The following PCDHA7 variants were observed in gnomAD, a reference collection of about 807,000 sequenced individuals.
PCDHA7 encodes the protein protocadherin alpha 7, also known as protocadherin alpha-7.
In PCDHA7, 37 loss-of-function variants were observed where a neutral mutation model predicts 57.2. The observed-to-expected ratio is 0.65, with a 90% CI of 0.50 to 0.85. PCDHA7 has a LOEUF of 0.85. PCDHA7 is among the 40% of genes least tolerant of loss of function. The pLI is 0.00. For missense variants in PCDHA7, 1,188 were observed against 1,241.8 expected (o/e 0.96, Z 0.65); for synonymous variants, 553 against 558.8 (o/e 0.99, Z 0.15).
At chr5:140,856,985 A>G (rs1463839145) in intron 1 of PCDHA7, 1 of 1,595,232 alleles carries the variant, frequency 6.3e-7, no homozygotes, top group Non-Finnish European at 8.6e-7. Flanking sequence ...TGAGGACAGT[A>G]ACACTTATGA....
At chr5:140,998,903 G>A (rs1465203456) in intron 3 of PCDHA7, among the ~76,000 whole-genome samples, 9 of 152,156 alleles carry the variant, frequency 5.9e-5, no homozygotes, top group African/African-American at 1.7e-4. Flanking sequence ...CAATGCCTCC[G>A]GGAGGTAGCT....
rs1489992894 is a variant in PCDHA7, at chr5:140,841,079, G to A, written c.2355+4341G>A. ...AAATTATGATAAAGAAATAGAAAGT[G>A]CATAGAAGAACCCAGATATTGCGGA... On this transcript the variant is annotated intron_variant, in intron 1 of 3. Transcript: ENST00000525929. 3.0e-5 allele frequency: 16 copies of A among 535,434 alleles called. No homozygotes were observed. The East Asian group carries it at 5.1e-4, about 17-fold the overall frequency. 33.2% of individuals were successfully genotyped at this position (535,434 alleles called of 1,614,324 possible). A position where few individuals can be genotyped will look rare whatever the true frequency, so the allele number is the denominator to read the frequency against.
intron 1 of PCDHA7, chr5:140,968,110 G>A: frequency 1.2e-6 from 2 of 1,614,172 alleles, no homozygotes; most frequent in Non-Finnish European, 1.7e-6. Context: ...GAATACCGCA[G>A]CTCACATCCC....
chr5:140,966,951 C>G lies in PCDHA7; in HGVS notation c.2356-11998C>G, dbSNP rs781885198. 3.1e-5 allele frequency: 50 copies of G among 1,603,624 alleles called. No individual in the cohort carries two copies. The highest frequency in any genetic ancestry group is 4.2e-5 in the Non-Finnish European group (50 of 1,178,520). The stretch of plus-strand genomic sequence containing the variant: ...CCCGGCGCGCTCGTGGGCAACGTGG[C>G]TCGCGCGCTGGGGCTTGAGCTGCGG... On this transcript the variant is annotated intron_variant, in intron 1 of 3. Coordinates refer to ENST00000525929, the MANE Select transcript of PCDHA7 (RefSeq NM_018910.3).
chr5:140,864,764 T>C (rs1202500851), intron 1 of PCDHA7: 2 of 152,238 alleles, frequency 1.3e-5, no homozygotes, highest in East Asian at 3.8e-4. Context: ...TTTTCTTTCA[T>C]TTTTGGTACC....
intron 1 of PCDHA7, chr5:140,882,427 G>A: frequency 6.2e-7 from 1 of 1,614,090 alleles, no homozygotes; most frequent in Non-Finnish European, 8.5e-7. Flanking sequence ...AGGACCTGGG[G>A]CTGGAGCTGG....
Position 140,842,478 on chromosome 5 carries a change from C to A in PCDHA7, c.2355+5740C>A, listed in dbSNP as rs2150337029. 3.7e-4 allele frequency: 597 copies of A among 1,613,926 alleles called. 9 individuals carry two copies. The African/African-American group carries it at 6.5e-3, about 18-fold the overall frequency. On this transcript the variant is annotated intron_variant, in intron 1 of 3. Transcript: ENST00000525929. ...GATTCAGGTGCCAACGGGCAGGTGA[C>A]CTGCTCCCTGATGCCCCATGTCCCC...
At chr5:140,944,995 T>A (rs246062) in intron 1 of PCDHA7, among the ~76,000 whole-genome samples, 85,717 of 151,900 alleles carry the variant, frequency 0.56, 24,795 homozygotes, top group African/African-American at 0.69. Flanking sequence ...TCTGTAACGG[T>A]TGTGGGTCAT....
rs1580793449 is a variant in PCDHA7 at position 140,834,834 on chromosome 5, C to G, written c.451C>G (p.Arg151Gly). The change falls in exon 1 of 4, where the codon CGG (arginine) becomes GGG (glycine). Residue 151 changes from arginine (R) to glycine (G), a missense_variant. Around this residue, in one of 3 missense-constraint regions of PCDHA7, gnomAD observed 102 missense variants for 267.4 expected, o/e 0.38. Coordinates refer to ENST00000525929, the MANE Select transcript of PCDHA7 (RefSeq NM_018910.3). ...CGCGGAATCCAGGCCGCTTGACTCT[C>G]GGTTTCCACTAGAGGGCGCGTCCGA... ...FIAESRPLDSRFPLEGASDAD... is the reference protein window; with the variant it reads ...FIAESRPLDSGFPLEGASDAD... The G allele has an allele frequency of 6.2e-7, 1 of 1,611,936 alleles. No homozygotes were observed. The highest frequency in any genetic ancestry group is 8.5e-7 in the Non-Finnish European group (1 of 1,179,444).
chr5:141,009,627 A>G lies in PCDHA7; in HGVS notation c.2504A>G (p.Glu835Gly), dbSNP rs782179145. 6.2e-7 allele frequency: 1 copy of G among 1,612,842 alleles called. No individual in the cohort carries two copies. The highest frequency in any genetic ancestry group is 1.1e-5 in the South Asian group (1 of 90,980). The change falls in exon 4 of 4, where the codon GAA becomes GGA. Residue 835 changes from glutamate (E) to glycine (G), a missense_variant and splice_region_variant. By Grantham distance (98) the Glu-to-Gly change is moderately conservative (BLOSUM62 -2). Coordinates refer to ENST00000525929, the MANE Select transcript of PCDHA7 (RefSeq NM_018910.3). Reference protein sequence around the residue: ...QWPTVSSATPEPEAGEVSPPV... With the variant: ...QWPTVSSATPGPEAGEVSPPV... ...TGATTTGTAATGTTTTGTCTTTCAGAACCAGAGGCAGGAGAAGTGTCCCCT... is the reference window on the plus strand; with the variant it reads ...TGATTTGTAATGTTTTGTCTTTCAGGACCAGAGGCAGGAGAAGTGTCCCCT...
Position 141,009,784 on chromosome 5 carries a change from G to T in PCDHA7, c.2661G>T (p.Arg887=). The T allele has an allele frequency of 6.2e-7, 1 of 1,614,054 alleles. No individual in the cohort carries two copies. The highest frequency in any genetic ancestry group is 8.5e-7 in the Non-Finnish European group (1 of 1,180,018). ...GATCTCCTGCAATCATCTCCATCCG[G>T]CAGGAGCCTACTAACAGCCAAATTG... ...IPGSPAIISI[R]QEPTNSQIDK... The change falls in exon 4 of 4, where the codon CGG becomes CGT. Residue 887 remains arginine (R), a synonymous_variant. Coordinates refer to ENST00000525929, the MANE Select transcript of PCDHA7 (RefSeq NM_018910.3).
chr5:140,856,835 C>T, intron 1 of PCDHA7: 2 of 1,591,090 alleles, frequency 1.3e-6, no homozygotes, highest in Non-Finnish European at 1.7e-6. Flanking sequence ...AGTAATACGG[C>T]TCAACGCTTC....
intron 1 of PCDHA7, chr5:140,929,006 C>G: frequency 6.2e-7 from 1 of 1,614,050 alleles, no homozygotes; most frequent in Non-Finnish European, 8.5e-7. Context: ...TTCGTGTGTA[C>G]CAAGTTGCAC....
rs782410675 is a variant in PCDHA7 at position 140,884,460 on chromosome 5, C to G, written c.2355+47722C>G. On this transcript the variant is annotated intron_variant, in intron 1 of 3. Coordinates refer to ENST00000525929, the MANE Select transcript of PCDHA7 (RefSeq NM_018910.3). ...TGCTCGGCACCGCCCACCGAGGGCGCGTGCGCGCCGGGCAAGCCCACTCTA... is the reference window on the plus strand; with the variant it reads ...TGCTCGGCACCGCCCACCGAGGGCGGGTGCGCGCCGGGCAAGCCCACTCTA... The G allele has an allele frequency of 2.5e-6, 4 of 1,613,614 alleles. No individual in the cohort carries two copies. Among genetic ancestry groups the G allele is most frequent in the Non-Finnish European group, 2.5e-6 (3 of 1,179,818 alleles).
chr5:140,869,670 T>G, intron 1 of PCDHA7: 1 of 1,613,470 alleles, frequency 6.2e-7, no homozygotes, highest in Non-Finnish European at 8.5e-7. Context: ...GTAAGCAGAT[T>G]AAAAGACTGT....
At chr5:140,989,109 A>C (rs2097330096) in intron 3 of PCDHA7, 2 of 152,240 alleles carry the variant, frequency 1.3e-5, no homozygotes, top group African/African-American at 4.8e-5. Context: ...CAACTTTTGA[A>C]TATATCTTAG....
chr5:140,935,852 CTT>C (rs1267620281), intron 1 of PCDHA7, among the ~76,000 whole-genome samples: 2 of 149,326 alleles, frequency 1.3e-5, no homozygotes, highest in African/African-American at 4.9e-5. Context: ...TTAATGGTGT[CTT>C]TTGATTAGCA....
At chr5:140,848,946 C>T (rs2150425951) in intron 1 of PCDHA7, 32 of 1,607,242 alleles carry the variant, frequency 2.0e-5, no homozygotes, top group Non-Finnish European at 2.5e-5. Flanking sequence ...GCTTGACTCT[C>T]GGTTTCCACT....
intron 3 of PCDHA7, among the ~76,000 whole-genome samples, chr5:141,000,496 C>T (rs1257530549): frequency 7.4e-6 from 1 of 134,362 alleles, no homozygotes; most frequent in Non-Finnish European, 1.5e-5. Context: ...GGTAAGATCT[C>T]GGCTCACTGC....
Sources: gnomAD v4.1 joint callset for allele counts (sites outside exome capture counted in the v4.1 genomes callset) on GRCh38, gnomAD v4.1.1 for gene constraint, gnomAD v4.1.1 regional missense constraint, MANE v1.5 for transcripts, NCBI Gene and HGNC (gene_info 2026-07-23, HGNC 2026-07-21) for gene names.